The following MAGI2 variants were observed in gnomAD, a reference collection of about 807,000 sequenced individuals.
The protein encoded by MAGI2 is membrane associated guanylate kinase, WW and PDZ domain containing 2, also known as membrane-associated guanylate kinase, WW and PDZ domain-containing protein 2.
A neutral mutation model predicts 133.3 loss-of-function variants in MAGI2; 35 were observed. The observed-to-expected ratio is 0.26, with a 90% CI of 0.20 to 0.35. MAGI2 has a LOEUF of 0.35. Among genes scored for constraint, MAGI2 ranks in the 10% least tolerant of loss-of-function variants. The probability of loss-of-function intolerance (pLI) is 1.00; values close to 1 mark genes in which losing one functional copy is unlikely to be tolerated. For synonymous variants in MAGI2, 729 were observed against 710.6 expected, an observed-to-expected ratio of 1.03 and a Z score of -0.41; for missense variants, 1,636 against 1,863.4, an observed-to-expected ratio of 0.88 and a Z score of 2.25.
In MAGI2 at chr7:78,178,096, T is replaced by G; in HGVS notation, c.2318A>C (p.Asp773Ala). 1 of 1,611,154 alleles carries G rather than the reference T, an allele frequency of 6.2e-7. No individual in the cohort carries two copies. The highest frequency in any genetic ancestry group is 8.5e-7 in the Non-Finnish European group (1 of 1,177,540). Reference protein sequence around the residue: ...TSFRMDSSGPDYKELDVHLRR... With the variant: ...TSFRMDSSGPAYKELDVHLRR... The stretch of plus-strand genomic sequence containing the variant: ...AAGATGAACATCCAATTCCTTATAA[T>G]CTGGACCTGGCATAAAGGAGATCCC... The change falls in exon 14 of 22, where the codon GAT becomes GCT. Residue 773 changes from aspartate (D) to alanine (A), a missense_variant. Physicochemically the swap from Asp to Ala is moderately radical, Grantham distance 126. Coordinates refer to ENST00000354212, the MANE Select transcript of MAGI2 (RefSeq NM_012301.4).
intron 2 of MAGI2, among the ~76,000 whole-genome samples, chr7:78,983,823 T>C (rs1562750398): frequency 6.6e-6 from 1 of 151,964 alleles, no homozygotes; most frequent in East Asian, 1.9e-4. Flanking sequence ...GGCTCATTCC[T>C]AAGATCAATT....
intron 21 of MAGI2, among the ~76,000 whole-genome samples, chr7:78,044,891 G>A (rs1009811508): frequency 1.6e-4 from 25 of 152,358 alleles, no homozygotes; most frequent in African/African-American, 4.8e-4. Flanking sequence ...GGATGTGGCC[G>A]GGTGCGGCGG....
At chr7:79,016,938 C>G (rs980838800) in intron 1 of MAGI2, among the ~76,000 whole-genome samples, 1 of 152,390 alleles carries the variant, frequency 6.6e-6, no homozygotes, top group South Asian at 2.1e-4. Flanking sequence ...CCTATGCTAA[C>G]ATTTTTGCCC....
At chr7:78,057,997 A>ATGTGTGTGTGTGTGTGTGTGTG (rs369803912) in intron 21 of MAGI2, among the ~76,000 whole-genome samples, 16 of 40,004 alleles carry the variant, frequency 4.0e-4, no homozygotes, top group East Asian at 3.5e-3. Flanking sequence ...ATATATATAT[A>ATGTGTGTGTGTGTGTGTGTGTG]TATATATGTA....
rs570179937 is a variant in MAGI2, at chr7:78,354,532, G to A, written c.1104-8489C>T. 2.0e-5 allele frequency among the ~76,000 whole-genome samples: 3 copies of A among 152,002 alleles called. No individual in the cohort carries two copies. The South Asian group carries it at 6.2e-4, about 32-fold the overall frequency. On this transcript the variant is annotated intron_variant, in intron 7 of 21. Coordinates refer to ENST00000354212, the MANE Select transcript of MAGI2 (RefSeq NM_012301.4). ...AGTGAGGGGAAATTGACAAGACTGG[G>A]GACAAGGCTGTGGCAGATTATGAAA... is the stretch of plus-strand genomic sequence containing the variant.
chr7:78,660,627 T>C (rs1376196291), intron 2 of MAGI2, among the ~76,000 whole-genome samples: 1 of 152,142 alleles, frequency 6.6e-6, no homozygotes, highest in Non-Finnish European at 1.5e-5. Context: ...TGATATGACA[T>C]ATTGGTGGCA....
intron 2 of MAGI2, among the ~76,000 whole-genome samples, chr7:78,821,431 T>C (rs1046401024): frequency 2.0e-5 from 3 of 151,842 alleles, no homozygotes; most frequent in Non-Finnish European, 4.4e-5. Context: ...AAATAAAGCA[T>C]AGTAAGGAAT....
intron 6 of MAGI2, among the ~76,000 whole-genome samples, chr7:78,467,302 C>T (rs1790733643): frequency 6.6e-6 from 1 of 152,024 alleles, no homozygotes; most frequent in Admixed American, 6.6e-5. Flanking sequence ...ATGCCTTGGC[C>T]CCTGTAATCC....
chr7:78,738,182 A>G (rs962384709), intron 2 of MAGI2, among the ~76,000 whole-genome samples: 4 of 152,160 alleles, frequency 2.6e-5, no homozygotes, highest in African/African-American at 9.6e-5. Flanking sequence ...TATTTAAGTC[A>G]CAGAGGGCTG....
intron 3 of MAGI2, among the ~76,000 whole-genome samples, chr7:78,604,767 A>G (rs752935879): frequency 6.6e-6 from 1 of 152,216 alleles, no homozygotes; most frequent in Non-Finnish European, 1.5e-5. Context: ...GCTAATACCA[A>G]TTGTTGTTTT....
chr7:78,019,791 T>C lies in MAGI2; in HGVS notation c.3892A>G (p.Lys1298Glu). ...TTCTGGCCGCAGGCTGAAAGCTCCT[T>C]TGGTTTCCTAACGTCGTGTTCCCGT... is the stretch of plus-strand genomic sequence containing the variant. Reference protein sequence around the residue: ...IKREHDVRKPKELSACGQKKQ... With the variant: ...IKREHDVRKPEELSACGQKKQ... The change falls in exon 22 of 22, where the codon AAG becomes GAG. Residue 1298 changes from lysine (K) to glutamate (E), a missense_variant. This residue lies in a region of MAGI2 where 354 missense variants were observed against 298.7 expected (regional missense o/e 1.19). Coordinates refer to ENST00000354212, the MANE Select transcript of MAGI2 (RefSeq NM_012301.4). The C allele has an allele frequency of 1.2e-6, 2 of 1,612,642 alleles. No individual in the cohort carries two copies. The highest frequency in any genetic ancestry group is 3.3e-5 in the Admixed American group (2 of 60,008).
chr7:78,138,658 C>T (rs1563171208), intron 16 of MAGI2, among the ~76,000 whole-genome samples: 1 of 150,986 alleles, frequency 6.6e-6, no homozygotes, highest in Non-Finnish European at 1.5e-5. Context: ...CACACACACA[C>T]ACACACACAC....
intron 3 of MAGI2, among the ~76,000 whole-genome samples, chr7:78,551,489 G>A (rs1799329205): frequency 6.6e-6 from 1 of 152,150 alleles, no homozygotes; most frequent in African/African-American, 2.4e-5. Flanking sequence ...TACTTAAAAT[G>A]TTCCTCTTTA....
intron 2 of MAGI2, among the ~76,000 whole-genome samples, chr7:78,817,671 C>A (rs1007398292): frequency 6.6e-6 from 1 of 151,726 alleles, no homozygotes; most frequent in Non-Finnish European, 1.5e-5. Flanking sequence ...ATTTTTTAGA[C>A]ATAATGCAAT....
intron 3 of MAGI2, among the ~76,000 whole-genome samples, chr7:78,542,066 A>G (rs1160615538): frequency 6.6e-6 from 1 of 152,214 alleles, no homozygotes; most frequent in African/African-American, 2.4e-5. Context: ...CCATAAACAA[A>G]TAAGTGTGGG....
At chr7:78,578,786 T>G (rs1290386187) in intron 3 of MAGI2, among the ~76,000 whole-genome samples, 1 of 152,200 alleles carries the variant, frequency 6.6e-6, no homozygotes, top group African/African-American at 2.4e-5. Flanking sequence ...CCACTGTTCA[T>G]GACTCTCAGT....
intron 1 of MAGI2, among the ~76,000 whole-genome samples, chr7:79,236,232 G>A (rs1471403234): frequency 3.9e-5 from 6 of 152,162 alleles, no homozygotes; most frequent in African/African-American, 1.2e-4. Flanking sequence ...AAAGCAATAG[G>A]TTATCTGAGA....
chr7:78,186,964 T>C (rs1019326377), intron 12 of MAGI2, among the ~76,000 whole-genome samples: 1 of 152,148 alleles, frequency 6.6e-6, no homozygotes, highest in South Asian at 2.1e-4. Context: ...AAGACACATG[T>C]ATGCAAACCT....
intron 3 of MAGI2, among the ~76,000 whole-genome samples, chr7:78,583,097 C>T (rs536795360): frequency 3.4e-4 from 52 of 152,228 alleles, no homozygotes; most frequent in African/African-American, 1.2e-3. Context: ...TAGAAAAAGA[C>T]TAGGGATTAT....
Sources: allele counts gnomAD v4.1 joint callset (sites outside exome capture counted in the v4.1 genomes callset), GRCh38; gene constraint gnomAD v4.1.1; regional missense constraint gnomAD v4.1.1; transcripts MANE v1.5; gene names NCBI Gene and HGNC (gene_info 2026-07-23, HGNC 2026-07-21).